Variants in VWC2 observed in about 807,000 individuals in gnomAD.
VWC2 encodes brorin.
VWC2 carries 14 observed loss-of-function variants against 29.8 expected under a neutral mutation model. The observed-to-expected ratio is 0.47, with a 90% CI of 0.31 to 0.74. VWC2 has a LOEUF of 0.74. VWC2 is among the 30% of genes least tolerant of loss of function. VWC2 has a pLI of 0.05. For synonymous variants in VWC2, 213 were observed against 199.0 expected (o/e 1.07, Z -0.59); for missense variants, 457 against 459.8 (o/e 0.99, Z 0.05).
At chr7:49,830,295 G>A (rs559062971) in intron 3 of VWC2, among the ~76,000 whole-genome samples, 4 of 152,266 alleles carry the variant, frequency 2.6e-5, no homozygotes, top group Non-Finnish European at 5.9e-5. Context: ...TGGAACAGAA[G>A]TTGTTTCCTT....
At chr7:49,834,409 A>G (rs1302296503) in intron 3 of VWC2, among the ~76,000 whole-genome samples, 1 of 152,222 alleles carries the variant, frequency 6.6e-6, no homozygotes, top group African/African-American at 2.4e-5. Flanking sequence ...TGCTGGAAAC[A>G]AGATACAAAA....
chr7:49,828,140 G>T (rs1340155547), intron 3 of VWC2, among the ~76,000 whole-genome samples: 2 of 152,058 alleles, frequency 1.3e-5, no homozygotes, highest in Non-Finnish European at 2.9e-5. Flanking sequence ...TTTATATCTG[G>T]CTTTTTTCAC....
At chr7:49,877,481 A>AAAAAAAAATATACATATATATAT in intron 3 of VWC2, among the ~76,000 whole-genome samples, 1 of 12,716 alleles carries the variant, frequency 7.9e-5, no homozygotes, top group Non-Finnish European at 1.4e-4. Context: ...AAAAAAAAAA[A>AAAAAAAAATATACATATATATAT]ATATATATAT....
chr7:49,787,626 C>T (rs958022595), intron 2 of VWC2, among the ~76,000 whole-genome samples: 1 of 152,200 alleles, frequency 6.6e-6, no homozygotes, highest in African/African-American at 2.4e-5. Context: ...CTGCCCCGAG[C>T]GCCTCTACCT....
chr7:49,888,266 C>G (rs1287492482), intron 3 of VWC2, among the ~76,000 whole-genome samples: 1 of 152,196 alleles, frequency 6.6e-6, no homozygotes, highest in Non-Finnish European at 1.5e-5. Context: ...AATCCTGCTC[C>G]TAATTCTACT....
intron 3 of VWC2, among the ~76,000 whole-genome samples, chr7:49,884,738 C>A (rs1327604705): frequency 6.6e-6 from 1 of 152,040 alleles, no homozygotes; most frequent in African/African-American, 2.4e-5. Flanking sequence ...AGTTTTAATT[C>A]ATTGTCTTAA....
chr7:49,826,111 C>T (rs934770961), intron 3 of VWC2, among the ~76,000 whole-genome samples: 2 of 152,172 alleles, frequency 1.3e-5, no homozygotes, highest in African/African-American at 2.4e-5. Context: ...TTGTTGTAAT[C>T]GTCTGTTTAG....
At chr7:49,840,296 T>C (rs1789764317) in intron 3 of VWC2, among the ~76,000 whole-genome samples, 1 of 152,152 alleles carries the variant, frequency 6.6e-6, no homozygotes, top group South Asian at 2.1e-4. Flanking sequence ...GGTGGTATGG[T>C]GGAGGGGCAC....
At chr7:49,808,167 C>T (rs532098649) in intron 3 of VWC2, among the ~76,000 whole-genome samples, 34 of 152,192 alleles carry the variant, frequency 2.2e-4, no homozygotes, top group African/African-American at 7.2e-4. Context: ...ATTAACCTGA[C>T]ATAGATTGTG....
At chr7:49,898,503 A>G (rs964928412) in intron 3 of VWC2, among the ~76,000 whole-genome samples, 1 of 151,892 alleles carries the variant, frequency 6.6e-6, no homozygotes, top group African/African-American at 2.4e-5. Flanking sequence ...TTACTCCTTC[A>G]CTTTTGAAAG....
At position 49,775,483 on chromosome 7, in the gene VWC2, C is replaced by T; in HGVS notation, c.48C>T (p.Leu16=). 6.4e-7 allele frequency: 1 copy of T among 1,553,300 alleles called. No individual in the cohort carries two copies. Among genetic ancestry groups the T allele is most frequent in the Non-Finnish European group, 8.7e-7 (1 of 1,155,876 alleles). ...CAGTTGGCGCGCTCTCCAGTTCCCT[C>T]CTGGTCACCTGCTGCCTGATGGTGG... ...AMAVGALSSS[L]LVTCCLMVAL... Residue 16 remains leucine (L), a synonymous_variant, in exon 2 of 4, where the codon CTC becomes CTT. Transcript: ENST00000340652.
At chr7:49,805,041 A>C (rs527741962) in intron 3 of VWC2, among the ~76,000 whole-genome samples, 1 of 152,342 alleles carries the variant, frequency 6.6e-6, no homozygotes, top group African/African-American at 2.4e-5. Flanking sequence ...AGAAATGTTA[A>C]ATTTACAAAG....
chr7:49,793,523 T>C (rs1041917146), intron 2 of VWC2, among the ~76,000 whole-genome samples: 2 of 152,222 alleles, frequency 1.3e-5, no homozygotes, highest in Non-Finnish European at 2.9e-5. Context: ...TGTGTACATG[T>C]GTTTTCAAAG....
At chr7:49,829,974 C>T (rs1789488520) in intron 3 of VWC2, among the ~76,000 whole-genome samples, 1 of 152,198 alleles carries the variant, frequency 6.6e-6, no homozygotes, top group Non-Finnish European at 1.5e-5. Flanking sequence ...TTCAGTCGTA[C>T]TCAGATCTCT....
intron 3 of VWC2, among the ~76,000 whole-genome samples, chr7:49,845,232 G>T (rs193128577): frequency 6.6e-6 from 1 of 151,398 alleles, no homozygotes; most frequent in Non-Finnish European, 1.5e-5. Context: ...CATGGCACAC[G>T]TTTACCTATG....
intron 3 of VWC2, among the ~76,000 whole-genome samples, chr7:49,846,596 C>T (rs1432220448): frequency 6.6e-6 from 1 of 152,194 alleles, no homozygotes; most frequent in Non-Finnish European, 1.5e-5. Flanking sequence ...TGGCTCTCTC[C>T]TTTTCTCCTT....
At chr7:49,861,473 A>T (rs920905796) in intron 3 of VWC2, among the ~76,000 whole-genome samples, 1 of 152,124 alleles carries the variant, frequency 6.6e-6, no homozygotes, top group Non-Finnish European at 1.5e-5. Flanking sequence ...ATATCCCATT[A>T]TGCAGGTGAG....
At position 49,775,782 on chromosome 7, in the gene VWC2, A is replaced by G; in HGVS notation, c.347A>G (p.Asp116Gly). The change falls in exon 2 of 4, where the codon GAC (aspartate) becomes GGC (glycine). Residue 116 changes from aspartate to glycine, a missense_variant. Around this residue, in one of 2 missense-constraint regions of VWC2, gnomAD observed 272 missense variants for 202.7 expected, o/e 1.34. Coordinates refer to ENST00000340652, the MANE Select transcript of VWC2 (RefSeq NM_198570.5). ...AGDLQVRPRG[D>G]TPQAEALAAA... ...GATCTGCAGGTCCGGCCCCGCGGGGACACCCCGCAGGCGGAAGCCCTGGCC... is the reference window on the plus strand; with the variant it reads ...GATCTGCAGGTCCGGCCCCGCGGGGGCACCCCGCAGGCGGAAGCCCTGGCC... The G allele has an allele frequency of 2.0e-6, 3 of 1,522,544 alleles. No homozygotes were observed. The highest frequency in any genetic ancestry group is 2.6e-6 in the Non-Finnish European group (3 of 1,136,178). 94.3% of individuals were successfully genotyped at this position (1,522,544 alleles called of 1,614,324 possible).
rs949710973 is a variant in VWC2 at position 49,783,869 on chromosome 7, G to A, written c.696+7738G>A. ...GTTTAAGACCAGCCTGTGCAACATA[G>A]TGAGACCCTGTCTCTAAAAAAAATA... On this transcript the variant is annotated intron_variant, in intron 2 of 3. Transcript: ENST00000340652. Among the ~76,000 whole-genome samples the A allele has an allele frequency of 5.3e-5, 8 of 152,012 alleles. No individual in the cohort carries two copies. In the Middle Eastern group the frequency reaches 0.01, roughly 194 times the overall value.
Sources: allele counts gnomAD v4.1 joint callset (sites outside exome capture counted in the v4.1 genomes callset), GRCh38; gene constraint gnomAD v4.1.1; regional missense constraint gnomAD v4.1.1; transcripts MANE v1.5; gene names NCBI Gene and HGNC (gene_info 2026-07-23, HGNC 2026-07-21).